Variants in LRRTM3 observed in about 807,000 individuals in gnomAD.
LRRTM3 encodes leucine rich repeat transmembrane neuronal 3.
In LRRTM3, 24 loss-of-function variants were observed where a neutral mutation model predicts 44.7. That is an observed-to-expected ratio of 0.54 (90% CI 0.39 to 0.76). The LOEUF (loss-of-function observed/expected upper bound fraction) is 0.76, where lower values mean the gene tolerates loss of function less well. Ranked by LOEUF, LRRTM3 falls within the 30% of genes least tolerant of loss-of-function variation. The probability of loss-of-function intolerance (pLI) is 0.00; values close to 1 mark genes in which losing one functional copy is unlikely to be tolerated. For synonymous variants in LRRTM3, 277 were observed against 278.7 expected (o/e 0.99, Z 0.06); for missense variants, 587 against 702.2 (o/e 0.84, Z 1.85).
chr10:66,972,081 C>A (rs1045346735), intron 2 of LRRTM3, among the ~76,000 whole-genome samples: 6 of 152,272 alleles, frequency 3.9e-5, no homozygotes, highest in Admixed American at 3.3e-4. Flanking sequence ...CTCCACTGAG[C>A]TTTTAAGCTT....
At position 66,996,649 on chromosome 10, in the gene LRRTM3, C is replaced by CAAAAAA. The variant is rs57025097; in HGVS notation, c.1536+68214_1536+68219dup. Among the ~76,000 whole-genome samples, 113 of 67,610 alleles carry CAAAAAA rather than the reference C, an allele frequency of 1.7e-3. 12 individuals carry two copies. Among genetic ancestry groups the CAAAAAA allele is most frequent in the African/African-American group, 4.6e-3 (77 of 16,848 alleles). The allele number at this position is 67,610 out of a possible 152,430, so 44.4% of individuals were successfully genotyped here. A position where few individuals can be genotyped will look rare whatever the true frequency, so the allele number is the denominator to read the frequency against. On this transcript the variant is annotated intron_variant, in intron 2 of 2. Transcript: ENST00000361320. ...GTGAGAGAGTGAGACTCCGTCTCTA[C>CAAAAAA]AAAAAAAAAAAAAAAAAAAAAAGCA...
At chr10:67,059,179 A>G (rs1373905600) in intron 2 of LRRTM3, among the ~76,000 whole-genome samples, 1 of 152,146 alleles carries the variant, frequency 6.6e-6, no homozygotes, top group African/African-American at 2.4e-5. Flanking sequence ...CATAACATCC[A>G]CTTTCTAAAT....
At chr10:66,974,474 A>G (rs1272140068) in intron 2 of LRRTM3, among the ~76,000 whole-genome samples, 1 of 152,186 alleles carries the variant, frequency 6.6e-6, no homozygotes, top group Non-Finnish European at 1.5e-5. Context: ...ACATTTATAT[A>G]CAAGTCATTC....
At chr10:67,090,302 C>T (rs1173406806) in intron 2 of LRRTM3, among the ~76,000 whole-genome samples, 4 of 152,094 alleles carry the variant, frequency 2.6e-5, no homozygotes, top group Non-Finnish European at 5.9e-5. Flanking sequence ...ATCTTAAATC[C>T]ATCATAAACT....
chr10:67,086,142 G>A (rs188675649), intron 2 of LRRTM3, among the ~76,000 whole-genome samples: 1 of 151,946 alleles, frequency 6.6e-6, no homozygotes, highest in Admixed American at 6.6e-5. Context: ...ATGGATGAAG[G>A]GGTGGAAGAA....
intron 2 of LRRTM3, among the ~76,000 whole-genome samples, chr10:66,943,733 G>C (rs115448377): frequency 0.031 from 4,654 of 152,136 alleles, 239 homozygotes; most frequent in African/African-American, 0.11. Flanking sequence ...TTCAGGTTTG[G>C]TTCCAGAACC....
At chr10:67,051,330 T>C (rs927667635) in intron 2 of LRRTM3, among the ~76,000 whole-genome samples, 1 of 152,146 alleles carries the variant, frequency 6.6e-6, no homozygotes, top group Admixed American at 6.5e-5. Flanking sequence ...CTATGTCTTA[T>C]CTATGGAAAG....
chr10:67,088,594 T>A (rs1857441514), intron 2 of LRRTM3, among the ~76,000 whole-genome samples: 1 of 152,014 alleles, frequency 6.6e-6, no homozygotes, highest in Non-Finnish European at 1.5e-5. Flanking sequence ...AAATTCAGAA[T>A]GTTTTTTCCT....
Position 66,927,049 on chromosome 10 carries a change from G to C in LRRTM3, c.133G>C (p.Val45Leu). Residue 45 changes from valine (V) to leucine (L), a missense_variant, in exon 2 of 3, where the codon GTA (valine) becomes CTA (leucine). This residue lies in a region of LRRTM3 where 222 missense variants were observed against 323.3 expected (regional missense o/e 0.69). Coordinates refer to ENST00000361320, the MANE Select transcript of LRRTM3 (RefSeq NM_178011.5). This position sits in a 1 kb window ranked among gnomAD's most constrained non-coding sequence, Gnocchi z 4.7. ...GGGCTGTAGGTGTGAAGGCAAAATGGTATATTGTGAATCTCAGAAATTACA... is the reference window on the plus strand; with the variant it reads ...GGGCTGTAGGTGTGAAGGCAAAATGCTATATTGTGAATCTCAGAAATTACA... ...PKGCRCEGKM[V>L]YCESQKLQEI... 6.2e-7 allele frequency: 1 copy of C among 1,614,122 alleles called. No homozygotes were observed. The highest frequency in any genetic ancestry group is 1.1e-5 in the South Asian group (1 of 91,072).
chr10:67,001,451 T>TG (rs1213030445), intron 2 of LRRTM3, among the ~76,000 whole-genome samples: 6 of 145,326 alleles, frequency 4.1e-5, no homozygotes, highest in African/African-American at 1.5e-4. Flanking sequence ...AAGACAGGGG[T>TG]GGGGGACAGA....
At chr10:66,956,616 T>C (rs10762122) in intron 2 of LRRTM3, among the ~76,000 whole-genome samples, 41,900 of 152,128 alleles carry the variant, frequency 0.28, 6,072 homozygotes, top group Middle Eastern at 0.34. Context: ...TCAAAAGGCA[T>C]AATGCTGTCA....
intron 2 of LRRTM3, among the ~76,000 whole-genome samples, chr10:66,950,885 A>G (rs1348361275): frequency 2.0e-5 from 3 of 152,180 alleles, no homozygotes; most frequent in Non-Finnish European, 4.4e-5. Flanking sequence ...AGGTAAAGAA[A>G]TTGAGGTGTA....
chr10:67,037,064 G>C (rs1854105138), intron 2 of LRRTM3, among the ~76,000 whole-genome samples: 1 of 152,160 alleles, frequency 6.6e-6, no homozygotes. Context: ...CAAATGGTTG[G>C]AGTGAAGTGA....
intron 2 of LRRTM3, among the ~76,000 whole-genome samples, chr10:66,950,839 G>T (rs1020113961): frequency 6.6e-6 from 1 of 152,126 alleles, no homozygotes; most frequent in Non-Finnish European, 1.5e-5. Context: ...TAGAGGCTTC[G>T]CACAGTGCAG....
At chr10:66,938,580 T>C (rs1306995338) in intron 2 of LRRTM3, among the ~76,000 whole-genome samples, 1 of 152,170 alleles carries the variant, frequency 6.6e-6, no homozygotes, top group Admixed American at 6.6e-5. Context: ...AAGCGATCGG[T>C]CTTGCTGTCT....
At chr10:66,983,357 AGG>A (rs1377877435) in intron 2 of LRRTM3, among the ~76,000 whole-genome samples, 1 of 152,142 alleles carries the variant, frequency 6.6e-6, no homozygotes, top group Non-Finnish European at 1.5e-5. Context: ...TATCTGAAGC[AGG>A]GGCAGCCCCA....
In LRRTM3 at chr10:66,926,734, T is replaced by G. The variant is rs146819031; in HGVS notation, c.4+147T>G. The G allele has an allele frequency of 8.8e-3, 9,476 of 1,073,858 alleles. 75 individuals are homozygous for G. The highest frequency in any genetic ancestry group is 0.011 in the Non-Finnish European group (8,596 of 747,922). 66.5% of individuals were successfully genotyped at this position (1,073,858 alleles called of 1,614,324 possible). A position where few individuals can be genotyped will look rare whatever the true frequency, so the allele number is the denominator to read the frequency against. ...TTTATTTGCTTAGTGGCATGTTTCC[T>G]TGTTTAACTATTTAAAAAAACAAAA... On this transcript the variant is annotated intron_variant, in intron 1 of 2. Coordinates refer to ENST00000361320, the MANE Select transcript of LRRTM3 (RefSeq NM_178011.5).
intron 2 of LRRTM3, among the ~76,000 whole-genome samples, chr10:67,070,189 G>T (rs1374366425): frequency 6.6e-6 from 1 of 152,072 alleles, no homozygotes; most frequent in African/African-American, 2.4e-5. Context: ...TTGCAATTTG[G>T]ATATCCTCTT....
At chr10:67,005,137 T>C (rs1304902819) in intron 2 of LRRTM3, among the ~76,000 whole-genome samples, 1 of 152,180 alleles carries the variant, frequency 6.6e-6, no homozygotes, top group African/African-American at 2.4e-5. Flanking sequence ...TTTACCTGGA[T>C]AATAAATTAA....
Sources: allele counts gnomAD v4.1 joint callset (sites outside exome capture counted in the v4.1 genomes callset), GRCh38; gene constraint gnomAD v4.1.1; regional missense constraint gnomAD v4.1.1; non-coding constraint Gnocchi (gnomAD v3.1); transcripts MANE v1.5; gene names NCBI Gene and HGNC (gene_info 2026-07-23, HGNC 2026-07-21).